Variants in DOCK7 observed in about 807,000 individuals in gnomAD.
DOCK7 encodes dedicator of cytokinesis 7, also known as dedicator of cytokinesis protein 7.
A neutral mutation model predicts 271.0 loss-of-function variants in DOCK7; 138 were observed. That is an observed-to-expected ratio of 0.51 (90% CI 0.44 to 0.59). The LOEUF is 0.59. Ranked by LOEUF, DOCK7 falls within the 20% of genes least tolerant of loss-of-function variation. The pLI is 0.00. For missense variants in DOCK7, 2,066 were observed against 2,592.4 expected, an observed-to-expected ratio of 0.80 and a Z score of 4.41; for synonymous variants, 823 against 876.1, an observed-to-expected ratio of 0.94 and a Z score of 1.07.
At chr1:62,471,843 G>T (rs1033977393) in intron 48 of DOCK7, among the ~76,000 whole-genome samples, 10 of 151,916 alleles carry the variant, frequency 6.6e-5, no homozygotes, top group African/African-American at 2.4e-4. Context: ...TGAAAAATAA[G>T]AATTTAAGAT....
rs548196527 is a variant in DOCK7, at chr1:62,611,108, A to G, written c.1682+7598T>C. Among the ~76,000 whole-genome samples the G allele has an allele frequency of 2.6e-5, 4 of 152,316 alleles. No individual in the cohort carries two copies. The South Asian group carries it at 8.3e-4, about 32-fold the overall frequency. On this transcript the variant is annotated intron_variant, in intron 14 of 49. Coordinates refer to ENST00000635253, the MANE Select transcript of DOCK7 (RefSeq NM_001367561.1). ...TATCACAACTATTATAGACATCTCA[A>G]AATATTGTTGATGCTTATTACTATT...
intron 14 of DOCK7, chr1:62,597,842 C>A: frequency 6.2e-7 from 1 of 1,604,686 alleles, no homozygotes; most frequent in Admixed American, 1.7e-5. Flanking sequence ...CCAGTGAAAT[C>A]AAAGAAGAAG....
intron 14 of DOCK7, chr1:62,604,016 T>C (rs1465917103): frequency 6.2e-7 from 1 of 1,613,092 alleles, no homozygotes; most frequent in Non-Finnish European, 8.5e-7. Flanking sequence ...AGTGAAGCAA[T>C]CTAATTATGT....
chr1:62,511,451 A>C (rs1644481370), intron 33 of DOCK7: 1 of 152,198 alleles, frequency 6.6e-6, no homozygotes, highest in Non-Finnish European at 1.5e-5. Flanking sequence ...TCAAACTTTC[A>C]ACTATAAAAC....
At chr1:62,661,009 G>A (rs1298504876) in intron 2 of DOCK7, among the ~76,000 whole-genome samples, 4 of 151,856 alleles carry the variant, frequency 2.6e-5, no homozygotes, top group South Asian at 4.2e-4. Context: ...TGATATGGGA[G>A]GATCACTTGA....
At chr1:62,594,915 G>A (rs1557771795) in intron 14 of DOCK7, among the ~76,000 whole-genome samples, 1 of 152,114 alleles carries the variant, frequency 6.6e-6, no homozygotes, top group Admixed American at 6.5e-5. Flanking sequence ...GCTTAATTAA[G>A]AGAAGTTTTG....
intron 25 of DOCK7, 61 bp from the exon 26 acceptor site, chr1:62,539,953 T>C: frequency 2.6e-6 from 3 of 1,170,016 alleles, no homozygotes; most frequent in Non-Finnish European, 2.3e-6. Flanking sequence ...ACAACAACTC[T>C]AAACACTTGG....
intron 43 of DOCK7, chr1:62,486,060 C>A (rs1004386461): frequency 1.3e-5 from 2 of 151,924 alleles, no homozygotes; most frequent in African/African-American, 4.8e-5. Flanking sequence ...TATTTTATGC[C>A]TAATTTTCAA....
At chr1:62,465,294 A>G (rs1645645303) in intron 48 of DOCK7, among the ~76,000 whole-genome samples, 1 of 152,184 alleles carries the variant, frequency 6.6e-6, no homozygotes, top group African/African-American at 2.4e-5. Flanking sequence ...TATTTAGTGC[A>G]ACCATAAACT....
At chr1:62,639,422 T>TAC (rs1655696166) in intron 7 of DOCK7, among the ~76,000 whole-genome samples, 2 of 140,202 alleles carry the variant, frequency 1.4e-5, no homozygotes, top group Admixed American at 7.3e-5. Context: ...AACTTTGTAA[T>TAC]ACTCTTTTTT....
intron 1 of DOCK7, among the ~76,000 whole-genome samples, chr1:62,670,093 T>G (rs1041703061): frequency 6.6e-6 from 1 of 151,744 alleles, no homozygotes; most frequent in Non-Finnish European, 1.5e-5. Context: ...GGTGCTGCGC[T>G]CGATTTCTCG....
intron 41 of DOCK7, among the ~76,000 whole-genome samples, 200 bp from the exon 42 acceptor site, chr1:62,489,265 C>T (rs190643456): frequency 6.6e-5 from 10 of 152,186 alleles, no homozygotes; most frequent in African/African-American, 1.9e-4. Flanking sequence ...CTGGCTAGCA[C>T]GGTGAAACCC....
chr1:62,476,236 C>T (rs941236426), intron 44 of DOCK7, 80 bp from the exon 45 acceptor site: 14 of 999,158 alleles, frequency 1.4e-5, no homozygotes, highest in Non-Finnish European at 2.1e-5. Flanking sequence ...GACTCCTGAG[C>T]AAAATTAGGA....
intron 14 of DOCK7, among the ~76,000 whole-genome samples, chr1:62,587,963 T>C (rs147450676): frequency 1.3e-5 from 2 of 152,186 alleles, no homozygotes; most frequent in East Asian, 3.9e-4. Context: ...ATCTTTACAA[T>C]TAGAAAAAGC....
chr1:62,606,009 T>C (rs897441955), intron 14 of DOCK7: 2 of 152,072 alleles, frequency 1.3e-5, no homozygotes, highest in Non-Finnish European at 2.9e-5. Context: ...TTGTCAATAC[T>C]TAGCATTATG....
chr1:62,507,899 C>CT, intron 35 of DOCK7, 63 bp downstream of exon 35: 1 of 1,486,284 alleles, frequency 6.7e-7, no homozygotes, highest in Non-Finnish European at 9.3e-7. Context: ...ACAGTAAACA[C>CT]TTTTCCCTCC....
At chr1:62,557,682 T>C (rs1325097764) in intron 20 of DOCK7, among the ~76,000 whole-genome samples, 3 of 150,124 alleles carry the variant, frequency 2.0e-5, no homozygotes, top group Admixed American at 6.7e-5. Context: ...ATAAAGCACA[T>C]AGCATTATTC....
intron 31 of DOCK7, among the ~76,000 whole-genome samples, chr1:62,525,719 T>G (rs1368935123): frequency 2.0e-5 from 3 of 152,150 alleles, no homozygotes; most frequent in African/African-American, 7.2e-5. Context: ...GTACATGCAC[T>G]TTATTGTATT....
intron 31 of DOCK7, among the ~76,000 whole-genome samples, chr1:62,525,851 G>A (rs1440939244): frequency 1.3e-5 from 2 of 152,198 alleles, no homozygotes; most frequent in Non-Finnish European, 2.9e-5. Context: ...TAATCCATAG[G>A]AAGGGAGAAA....
Sources: gnomAD v4.1 joint callset for allele counts (sites outside exome capture counted in the v4.1 genomes callset) on GRCh38, gnomAD v4.1.1 for gene constraint, MANE v1.5 for transcripts, NCBI Gene and HGNC (gene_info 2026-07-23, HGNC 2026-07-21) for gene names.